BCL2L13: variants seen among roughly 807,000 people sequenced by gnomAD.
BCL2L13 encodes BCL2 like 13.
A neutral mutation model predicts 25.8 loss-of-function variants in BCL2L13; 13 were observed. The observed-to-expected ratio is 0.50, with a 90% CI of 0.33 to 0.80. The LOEUF (loss-of-function observed/expected upper bound fraction) is 0.80, where lower values mean the gene tolerates loss of function less well. Ranked by LOEUF, BCL2L13 falls within the 30% of genes least tolerant of loss-of-function variation. BCL2L13 has a pLI of 0.02. For synonymous variants in BCL2L13, 244 were observed against 230.3 expected (o/e 1.06, Z -0.54); for missense variants, 504 against 574.9 (o/e 0.88, Z 1.26).
upstream of BCL2L13, among the ~76,000 whole-genome samples, chr22:17,636,674 T>C (rs1297108583): frequency 6.6e-6 from 1 of 151,988 alleles, no homozygotes; most frequent in Non-Finnish European, 1.5e-5. Flanking sequence ...TGGGTGCCTG[T>C]AATCCCAGCT....
intron 2 of BCL2L13, among the ~76,000 whole-genome samples, chr22:17,672,522 G>A (rs2059446870): frequency 1.3e-5 from 2 of 152,152 alleles, no homozygotes; most frequent in African/African-American, 4.8e-5. Flanking sequence ...TTGGTTTATA[G>A]TCCAGAATTT....
chr22:17,682,399 G>T (rs927173669), intron 2 of BCL2L13, among the ~76,000 whole-genome samples: 1 of 152,118 alleles, frequency 6.6e-6, no homozygotes, highest in Non-Finnish European at 1.5e-5. Flanking sequence ...TGTATAAAAT[G>T]CTAGAAGTAT....
intron 6 of BCL2L13, among the ~76,000 whole-genome samples, chr22:17,715,343 G>C (rs1470341): frequency 6.7e-6 from 1 of 148,554 alleles, no homozygotes; most frequent in Non-Finnish European, 1.5e-5. Flanking sequence ...AACCACTCCC[G>C]GCCAATTTTG....
chr22:17,657,366 T>C (rs1413040342), intron 2 of BCL2L13, among the ~76,000 whole-genome samples: 2 of 115,362 alleles, frequency 1.7e-5, no homozygotes, highest in East Asian at 1.1e-3. Flanking sequence ...CCTCATCTTC[T>C]CTACTTAACT....
chr22:17,640,888 A>G (rs2058252678), intron 1 of BCL2L13, among the ~76,000 whole-genome samples: 3 of 54,152 alleles, frequency 5.5e-5, no homozygotes, highest in South Asian at 4.6e-4. Context: ...TTTTTTATAT[A>G]TATATATATA....
At chr22:17,685,256 T>G (rs1487012153) in intron 3 of BCL2L13, among the ~76,000 whole-genome samples, 2 of 152,104 alleles carry the variant, frequency 1.3e-5, no homozygotes, top group Admixed American at 1.3e-4. Context: ...GACATCGCCT[T>G]GCTCTGTTGC....
intron 2 of BCL2L13, 80 bp from the exon 3 acceptor site, chr22:17,683,132 CAA>C (rs34013263): frequency 0.014 from 8,179 of 589,778 alleles, no homozygotes; most frequent in East Asian, 0.022. Flanking sequence ...GACTCCGTCT[CAA>C]AAAAAAAAAA....
At chr22:17,701,061 A>G (rs930195016) in intron 5 of BCL2L13, among the ~76,000 whole-genome samples, 2 of 152,162 alleles carry the variant, frequency 1.3e-5, no homozygotes, top group Non-Finnish European at 2.9e-5. Context: ...TTGCATGCAG[A>G]TGGCTACCTG....
At chr22:17,649,868 T>G (rs1601508800) in intron 1 of BCL2L13, among the ~76,000 whole-genome samples, 1 of 115,916 alleles carries the variant, frequency 8.6e-6, no homozygotes, top group African/African-American at 3.6e-5. Context: ...TTTTTTTTCT[T>G]TTCTTTTTTT....
chr22:17,683,243 C>G lies in BCL2L13; in HGVS notation c.151C>G (p.Leu51Val), dbSNP rs1156968374. ...GVQLDIASQSLDQEILLKVKT... is the reference protein window; with the variant it reads ...GVQLDIASQSVDQEILLKVKT... ...TCAACTAGATATAGCTTCACAATCTCTGGATCAAGAAATTTTATTAAAAGT... is the reference window on the plus strand; with the variant it reads ...TCAACTAGATATAGCTTCACAATCTGTGGATCAAGAAATTTTATTAAAAGT... The change falls in exon 3 of 7, where the codon CTG becomes GTG. Residue 51 changes from leucine to valine, a missense_variant. Coordinates refer to ENST00000317582, the MANE Select transcript of BCL2L13 (RefSeq NM_015367.4). 1 of 1,588,890 alleles carries G rather than the reference C, an allele frequency of 6.3e-7. No homozygotes were observed. Among genetic ancestry groups the G allele is most frequent in the Non-Finnish European group, 8.6e-7 (1 of 1,163,756 alleles).
intron 6 of BCL2L13, among the ~76,000 whole-genome samples, chr22:17,719,987 C>T (rs1056742168): frequency 5.3e-5 from 8 of 151,984 alleles, no homozygotes; most frequent in Non-Finnish European, 1.2e-4. Context: ...AGAGATAGAA[C>T]GTAGATTAGT....
chr22:17,664,419 C>G (rs1014721561), intron 2 of BCL2L13, among the ~76,000 whole-genome samples: 3 of 152,122 alleles, frequency 2.0e-5, no homozygotes, highest in Non-Finnish European at 2.9e-5. Context: ...ATAGCCACCC[C>G]CCCCCGGCTC....
At chr22:17,690,076 A>G (rs2060060791) in intron 4 of BCL2L13, among the ~76,000 whole-genome samples, 1 of 152,148 alleles carries the variant, frequency 6.6e-6, no homozygotes, top group South Asian at 2.1e-4. Flanking sequence ...CTGTAATCCC[A>G]GCACTTTGGG....
At chr22:17,720,154 TTTTCTTTC>T (rs113046030) in intron 6 of BCL2L13, among the ~76,000 whole-genome samples, 30 of 141,850 alleles carry the variant, frequency 2.1e-4, no homozygotes, top group Middle Eastern at 3.4e-3. Flanking sequence ...GTGGGTTTCA[TTTTCTTTC>T]TTTCTTTCTT....
At chr22:17,661,450 T>A (rs2059063844) in intron 2 of BCL2L13, among the ~76,000 whole-genome samples, 1 of 146,126 alleles carries the variant, frequency 6.8e-6, no homozygotes, top group African/African-American at 2.4e-5. Context: ...TGTAAACTTT[T>A]CTTTTTATAA....
chr22:17,703,211 A>G (rs2060492643), intron 6 of BCL2L13: 1 of 151,378 alleles, frequency 6.6e-6, no homozygotes, highest in Non-Finnish European at 1.5e-5. Context: ...ATATACACAC[A>G]TGTATATTTT....
chr22:17,639,860 T>TC (rs1285739587), intron 1 of BCL2L13, among the ~76,000 whole-genome samples: 1 of 151,548 alleles, frequency 6.6e-6, no homozygotes, highest in East Asian at 1.9e-4. Context: ...TTCTTTCTTT[T>TC]TTTTTTTTTT....
At chr22:17,675,037 T>C (rs1045367030) in intron 2 of BCL2L13, among the ~76,000 whole-genome samples, 1 of 151,652 alleles carries the variant, frequency 6.6e-6, no homozygotes, top group African/African-American at 2.4e-5. Context: ...TGAATTTGGT[T>C]CTTGGGAAAG....
At chr22:17,710,375 C>T (rs942918638) in intron 6 of BCL2L13, among the ~76,000 whole-genome samples, 2 of 151,278 alleles carry the variant, frequency 1.3e-5, no homozygotes, top group African/African-American at 4.9e-5. Flanking sequence ...GAGGTCAGGA[C>T]TTTGAGACCA....
Sources: allele counts gnomAD v4.1 joint callset (sites outside exome capture counted in the v4.1 genomes callset), GRCh38; gene constraint gnomAD v4.1.1; transcripts MANE v1.5; gene names NCBI Gene and HGNC (gene_info 2026-07-23, HGNC 2026-07-21).